Variants in MYOM2 observed in about 807,000 individuals in gnomAD.
MYOM2 encodes the protein myomesin 2, also known as myomesin-2.
A neutral mutation model predicts 187.6 loss-of-function variants in MYOM2; 254 were observed. The ratio of observed to expected loss-of-function variants is 1.35; its 90% CI spans 1.22 to 1.50. The LOEUF is 1.50. MYOM2 is among the 40% of genes most tolerant of loss of function. MYOM2 has a pLI of 0.00. For synonymous variants in MYOM2, 981 were observed against 753.8 expected, an observed-to-expected ratio of 1.30 and a Z score of -4.94; for missense variants, 2,796 against 1,924.0, an observed-to-expected ratio of 1.45 and a Z score of -8.48.
At chr8:2,078,994 A>G in intron 12 of MYOM2, 61 bp downstream of exon 12, 1 of 1,531,540 alleles carries the variant, frequency 6.5e-7, no homozygotes, top group Admixed American at 1.7e-5. Context: ...TTTGTGTGTG[A>G]TTTGTTGTCT....
chr8:2,069,247 G>A (rs779875075), intron 6 of MYOM2, 31 bp from the exon 7 acceptor site: 13 of 1,594,688 alleles, frequency 8.2e-6, no homozygotes, highest in Middle Eastern at 2.2e-4. Context: ...CAACAGTCCC[G>A]CAGACTTTCT....
chr8:2,125,604 CTTTTT>C (rs35137852), intron 31 of MYOM2, among the ~76,000 whole-genome samples: 3,192 of 89,376 alleles, frequency 0.036, 32 homozygotes, highest in Middle Eastern at 0.091. Context: ...ATTATTTTTC[CTTTTT>C]TTTTTTTTTT....
intron 21 of MYOM2, among the ~76,000 whole-genome samples, chr8:2,103,591 T>A (rs1796791247): frequency 1.3e-5 from 2 of 151,168 alleles, no homozygotes; most frequent in African/African-American, 4.9e-5. Context: ...ATGTATTATG[T>A]GTATATGTGT....
intron 1 of MYOM2, among the ~76,000 whole-genome samples, chr8:2,046,667 C>G (rs1188303727): frequency 1.3e-5 from 2 of 152,160 alleles, no homozygotes; most frequent in Admixed American, 6.5e-5. Flanking sequence ...TCTCAGCCTC[C>G]CAATGCGCCT....
intron 32 of MYOM2, among the ~76,000 whole-genome samples, chr8:2,129,868 C>G (rs1033002444): frequency 6.6e-6 from 1 of 152,062 alleles, no homozygotes; most frequent in African/African-American, 2.4e-5. Context: ...CTGGCTGAAT[C>G]GAGGAGTCCC....
chr8:2,064,501 AG>A (rs1818950738), intron 6 of MYOM2, among the ~76,000 whole-genome samples: 1 of 151,894 alleles, frequency 6.6e-6, no homozygotes, highest in Non-Finnish European at 1.5e-5. Flanking sequence ...TACAGAAGGA[AG>A]GAGAGCGCTC....
intron 32 of MYOM2, among the ~76,000 whole-genome samples, chr8:2,139,047 GACCCGACACAC>G (rs1798182387): frequency 3.7e-5 from 5 of 134,834 alleles, no homozygotes; most frequent in Non-Finnish European, 6.4e-5. Context: ...CACCACCAGA[GACCCGACACAC>G]ACTGCCAGCA....
intron 13 of MYOM2, chr8:2,084,974 T>C (rs575031275): frequency 2.6e-6 from 1 of 377,910 alleles, no homozygotes; most frequent in South Asian, 4.6e-5. Flanking sequence ...TGGTTTCTTC[T>C]GGTAAATCCT....
rs1056606808 is a variant in MYOM2 at position 2,102,645 on chromosome 8, G to T, written c.2620-22G>T. On this transcript the variant is annotated intron_variant, in intron 20 of 36. Coordinates refer to ENST00000262113, the MANE Select transcript of MYOM2 (RefSeq NM_003970.4). The stretch of plus-strand genomic sequence containing the variant: ...TCTTTATTTTACCTCCACACATCTG[G>T]TGTTTCCTCTGTTGTTTCAAGGTCT... 5 of 1,528,656 alleles carry T rather than the reference G, an allele frequency of 3.3e-6. No individual in the cohort carries two copies. In the African/African-American group the frequency reaches 6.8e-5, roughly 21 times the overall value. 94.7% of individuals were successfully genotyped at this position (1,528,656 alleles called of 1,614,324 possible).
chr8:2,051,309 A>T (rs895989962), intron 2 of MYOM2, among the ~76,000 whole-genome samples: 1 of 152,132 alleles, frequency 6.6e-6, no homozygotes, highest in Non-Finnish European at 1.5e-5. Flanking sequence ...TCGATCATGG[A>T]TGTGCCGAGA....
intron 21 of MYOM2, among the ~76,000 whole-genome samples, chr8:2,105,825 C>T (rs1330837880): frequency 6.6e-6 from 1 of 152,186 alleles, no homozygotes; most frequent in Non-Finnish European, 1.5e-5. Context: ...TGGGTACCCC[C>T]TCGGCATTAG....
At chr8:2,108,972 A>G (rs972061459) in intron 24 of MYOM2, 142 bp downstream of exon 24, 11 of 789,918 alleles carry the variant, frequency 1.4e-5, no homozygotes, top group Non-Finnish European at 2.2e-5. Flanking sequence ...ATTGAAACCT[A>G]TTGATTTAAA....
rs118007912 is a variant in MYOM2, at chr8:2,067,466, C to G, written c.654-1812C>G. Among the ~76,000 whole-genome samples, 216 of 152,264 alleles carry G rather than the reference C, an allele frequency of 1.4e-3. 2 individuals carry two copies. In the East Asian group the frequency reaches 0.025, roughly 18 times the overall value. On this transcript the variant is annotated intron_variant, in intron 6 of 36. Coordinates refer to ENST00000262113, the MANE Select transcript of MYOM2 (RefSeq NM_003970.4). ...CCTTACTGTGTTGATTGCTCACCAT[C>G]CTAGTGGGATAGTGATGTCTGTTTT...
chr8:2,061,512 T>G (rs1289821614), intron 6 of MYOM2, among the ~76,000 whole-genome samples: 4 of 152,134 alleles, frequency 2.6e-5, no homozygotes, highest in Non-Finnish European at 5.9e-5. Flanking sequence ...GGCGGTGGCT[T>G]CAGCCAGCTC....
intron 6 of MYOM2, among the ~76,000 whole-genome samples, chr8:2,060,751 T>C (rs200300006): frequency 3.1e-5 from 1 of 31,796 alleles, no homozygotes; most frequent in Non-Finnish European, 6.2e-5. Flanking sequence ...TCTGTTCGTT[T>C]GTTTGTTTTT....
intron 28 of MYOM2, among the ~76,000 whole-genome samples, chr8:2,119,713 T>G (rs1002582903): frequency 2.0e-5 from 3 of 151,986 alleles, no homozygotes; most frequent in African/African-American, 7.3e-5. Context: ...TCAATCCTAT[T>G]TATAGGCAGA....
intron 32 of MYOM2, among the ~76,000 whole-genome samples, chr8:2,134,672 A>C (rs976368637): frequency 1.3e-5 from 2 of 151,738 alleles, no homozygotes; most frequent in African/African-American, 4.8e-5. Context: ...ATCCGTTTGG[A>C]CTCAGGGATG....
intron 31 of MYOM2, among the ~76,000 whole-genome samples, chr8:2,126,426 TAC>T (rs201861757): frequency 5.8e-4 from 84 of 143,888 alleles, no homozygotes; most frequent in African/African-American, 2.1e-3. Flanking sequence ...CACTCAGACA[TAC>T]ACACACACTG....
At chr8:2,047,461 G>A (rs1386936054) in intron 1 of MYOM2, among the ~76,000 whole-genome samples, 1 of 152,186 alleles carries the variant, frequency 6.6e-6, no homozygotes, top group Non-Finnish European at 1.5e-5. Context: ...GGGCACATTG[G>A]CACTGGGAGT....
Sources: gnomAD v4.1 joint callset for allele counts (sites outside exome capture counted in the v4.1 genomes callset) on GRCh38, gnomAD v4.1.1 for gene constraint, MANE v1.5 for transcripts, NCBI Gene and HGNC (gene_info 2026-07-23, HGNC 2026-07-21) for gene names.